FLT4: variants seen among roughly 807,000 people sequenced by gnomAD.
The protein encoded by FLT4 is fms related receptor tyrosine kinase 4.
A neutral mutation model predicts 163.2 loss-of-function variants in FLT4; 30 were observed. That is an observed-to-expected ratio of 0.18 (90% CI 0.14 to 0.25). The LOEUF is 0.25. Ranked by LOEUF, FLT4 falls within the 10% of genes least tolerant of loss-of-function variation. The probability of loss-of-function intolerance (pLI) is 1.00; values close to 1 mark genes in which losing one functional copy is unlikely to be tolerated. For synonymous variants in FLT4, 884 were observed against 789.5 expected (o/e 1.12, Z -2.01); for missense variants, 1,510 against 1,863.8 (o/e 0.81, Z 3.50).
chr5:180,609,636 C>T (rs1372635676), intron 28 of FLT4: 7 of 453,896 alleles, frequency 1.5e-5, no homozygotes, highest in Admixed American at 3.4e-5. Context: ...AACCTGCCAC[C>T]GAGGAGGAGC....
chr5:180,605,729 G>A (rs1012543340), intron 29 of FLT4, among the ~76,000 whole-genome samples: 7 of 152,172 alleles, frequency 4.6e-5, no homozygotes, highest in Admixed American at 1.3e-4. Context: ...CCAGGGGCCA[G>A]CTAGTCTCTT....
chr5:180,615,472 G>A lies in FLT4; in HGVS notation c.3219+895C>T, dbSNP rs563413456. Reference sequence around the variant, plus strand: ...CCGGTCACCTCCCTTCTCCACTTCCGAAATCCACTGTCTTTCGGAGCACTG... The same window carrying A: ...CCGGTCACCTCCCTTCTCCACTTCCAAAATCCACTGTCTTTCGGAGCACTG... On this transcript the variant is annotated intron_variant, in intron 23 of 29. Transcript: ENST00000261937. Among the ~76,000 whole-genome samples, 29 of 18,706 alleles carry A rather than the reference G, an allele frequency of 1.6e-3. 2 individuals are homozygous for A. Among genetic ancestry groups the A allele is most frequent in the African/African-American group, 5.1e-3 (27 of 5,304 alleles). 12.3% of individuals were successfully genotyped at this position (18,706 alleles called of 152,430 possible).
intron 29 of FLT4, 25 bp from the exon 30 acceptor site, chr5:180,603,415 T>C (rs1253239854): frequency 3.1e-6 from 5 of 1,610,404 alleles, no homozygotes; most frequent in Admixed American, 1.7e-5. Flanking sequence ...AAGGTGGTGT[T>C]AGTAAGAGAA....
At chr5:180,641,581 A>AG (rs1347439895) in intron 1 of FLT4, among the ~76,000 whole-genome samples, 1 of 147,202 alleles carries the variant, frequency 6.8e-6, no homozygotes, top group South Asian at 2.2e-4. Context: ...GGTTGGGCAG[A>AG]GGGGGTCACC....
intron 1 of FLT4, among the ~76,000 whole-genome samples, chr5:180,632,892 C>T (rs1309926062): frequency 6.6e-6 from 1 of 152,064 alleles, no homozygotes; most frequent in Admixed American, 6.5e-5. Flanking sequence ...CATCCTGAGA[C>T]AACAGGAAGG....
chr5:180,648,895 C>A (rs1039277526), intron 1 of FLT4, among the ~76,000 whole-genome samples: 5 of 152,216 alleles, frequency 3.3e-5, no homozygotes, highest in Non-Finnish European at 5.9e-5. Context: ...CCTCAAGATT[C>A]GTCTCAAGTG....
chr5:180,614,207 G>A (rs368887610), intron 23 of FLT4, 28 bp from the exon 24 acceptor site: 7 of 1,486,006 alleles, frequency 4.7e-6, no homozygotes, highest in African/African-American at 2.9e-5. Context: ...AGCTTGTCCC[G>A]TGGTGGATGG....
At chr5:180,634,646 G>A (rs1764414067) in intron 1 of FLT4, among the ~76,000 whole-genome samples, 2 of 129,444 alleles carry the variant, frequency 1.5e-5, no homozygotes, top group African/African-American at 3.0e-5. Context: ...AGTGAGTGGA[G>A]ATCGCACCAC....
chr5:180,619,190 C>T (rs1415494978), intron 19 of FLT4, 63 bp downstream of exon 19: 4 of 1,331,888 alleles, frequency 3.0e-6, no homozygotes, highest in Non-Finnish European at 3.9e-6. Context: ...ACCCGCGCCC[C>T]CTCCCGCCCG....
Position 180,603,167 on chromosome 5 carries a change from T to C in FLT4, c.*25A>G. On this transcript the variant is annotated 3_prime_UTR_variant, in exon 30 of 30. Coordinates refer to ENST00000261937, the MANE Select transcript of FLT4 (RefSeq NM_182925.5). ...GCCCTGCCGGGCCTGAACCCCCAAG[T>C]GCTGGGGGTCTTGTCCGATGCTGCT... 6.2e-7 allele frequency: 1 copy of C among 1,610,908 alleles called. No homozygotes were observed.
intron 13 of FLT4, 76 bp downstream of exon 13, chr5:180,621,466 G>A: frequency 3.8e-6 from 6 of 1,574,506 alleles, no homozygotes; most frequent in Non-Finnish European, 5.2e-6. Flanking sequence ...CCAGGGGCGA[G>A]CCACGCCGGG....
At chr5:180,624,518 G>T (rs1211952711) in intron 10 of FLT4, among the ~76,000 whole-genome samples, 1 of 152,090 alleles carries the variant, frequency 6.6e-6, no homozygotes, top group African/African-American at 2.4e-5. Flanking sequence ...GTGAGCCACC[G>T]AGCCCGGCCT....
At chr5:180,609,099 T>C in intron 28 of FLT4, 46 bp from the exon 29 acceptor site, 1 of 1,540,640 alleles carries the variant, frequency 6.5e-7, no homozygotes, top group Non-Finnish European at 9.0e-7. Flanking sequence ...CCTGAGGCCC[T>C]CCTGCAGGGC....
intron 8 of FLT4, among the ~76,000 whole-genome samples, chr5:180,627,966 C>T (rs1275107989): frequency 6.6e-6 from 1 of 152,114 alleles, no homozygotes; most frequent in Non-Finnish European, 1.5e-5. Context: ...CCTGGGCCTT[C>T]CATCCCAGGA....
rs1565819 is a variant in FLT4 at position 180,610,317 on chromosome 5, C to T, written c.3687-292G>A. Among the ~76,000 whole-genome samples the T allele has an allele frequency of 0.37, 56,914 of 152,176 alleles. 12,011 individuals are homozygous for T. Among genetic ancestry groups the T allele is most frequent in the South Asian group, 0.47 (2,256 of 4,826 alleles). ...GCCCCGTGTGGCATGGAGCTCCTCCCGGGGATGGGCTACCCTGGGCCAGCC... is the reference window on the plus strand; with the variant it reads ...GCCCCGTGTGGCATGGAGCTCCTCCTGGGGATGGGCTACCCTGGGCCAGCC... On this transcript the variant is annotated intron_variant, in intron 27 of 29. Transcript: ENST00000261937.
intron 21 of FLT4, among the ~76,000 whole-genome samples, chr5:180,617,927 TC>T (rs1488952667): frequency 1.5e-4 from 7 of 47,890 alleles, no homozygotes; most frequent in Admixed American, 3.4e-4. Context: ...CACGTCCTAC[TC>T]CCAGAGCACC....
At chr5:180,607,944 G>A (rs1761892001) in intron 29 of FLT4, 3 of 609,146 alleles carry the variant, frequency 4.9e-6, no homozygotes, top group South Asian at 3.9e-5. Context: ...AGTAACGCCA[G>A]TGTCTGGGAA....
intron 6 of FLT4, 54 bp from the exon 7 acceptor site, chr5:180,629,481 C>T (rs1763916320): frequency 1.3e-6 from 2 of 1,596,112 alleles, no homozygotes; most frequent in Non-Finnish European, 1.7e-6. Context: ...GCACAGCTAC[C>T]CCACCGAAGG....
chr5:180,632,063 A>T (rs1029683459), intron 1 of FLT4, among the ~76,000 whole-genome samples: 1 of 151,898 alleles, frequency 6.6e-6, no homozygotes, highest in African/African-American at 2.4e-5. Flanking sequence ...CCAACCTCTG[A>T]CCCCGGTGAG....
Sources: allele counts gnomAD v4.1 joint callset (sites outside exome capture counted in the v4.1 genomes callset), GRCh38; gene constraint gnomAD v4.1.1; transcripts MANE v1.5; gene names NCBI Gene and HGNC (gene_info 2026-07-23, HGNC 2026-07-21).